Variants in GRID2 observed in about 807,000 individuals in gnomAD.
GRID2 encodes glutamate ionotropic receptor delta type subunit 2.
Under a neutral mutation model 114.8 loss-of-function variants are expected in GRID2, and 33 were observed. That is an observed-to-expected ratio of 0.29 (90% CI 0.22 to 0.38). GRID2 has a LOEUF of 0.38. GRID2 is among the 10% of genes least tolerant of loss of function. The pLI is 1.00. For missense variants in GRID2, 1,184 were observed against 1,257.7 expected (o/e 0.94, Z 0.89); for synonymous variants, 505 against 449.9 (o/e 1.12, Z -1.55).
intron 1 of GRID2, among the ~76,000 whole-genome samples, chr4:92,576,720 C>G (rs893275943): frequency 3.3e-5 from 5 of 152,170 alleles, no homozygotes; most frequent in African/African-American, 1.2e-4. Context: ...GTTTGCAAAG[C>G]TCTGTGGTAG....
chr4:93,541,489 A>C (rs1732648375), intron 13 of GRID2, among the ~76,000 whole-genome samples: 1 of 152,134 alleles, frequency 6.6e-6, no homozygotes, highest in South Asian at 2.1e-4. Flanking sequence ...GGAAAAGAAA[A>C]ATAAATACAA....
intron 13 of GRID2, among the ~76,000 whole-genome samples, chr4:93,567,060 C>T (rs1041089405): frequency 1.3e-5 from 2 of 152,094 alleles, no homozygotes; most frequent in Non-Finnish European, 2.9e-5. Flanking sequence ...CTCCACCTTC[C>T]CTTTGCAGAC....
intron 2 of GRID2, among the ~76,000 whole-genome samples, chr4:93,054,478 C>G (rs756024044): frequency 6.6e-6 from 1 of 151,532 alleles, no homozygotes; most frequent in African/African-American, 2.4e-5. Flanking sequence ...ATTTGTATAC[C>G]ATTTGTGTCC....
intron 2 of GRID2, among the ~76,000 whole-genome samples, chr4:92,625,280 A>G (rs1166037272): frequency 6.6e-6 from 1 of 151,816 alleles, no homozygotes; most frequent in Non-Finnish European, 1.5e-5. Context: ...TCAAGAAATA[A>G]TTGTCTAATA....
At chr4:92,836,600 C>T (rs1578269193) in intron 2 of GRID2, among the ~76,000 whole-genome samples, 1 of 151,880 alleles carries the variant, frequency 6.6e-6, no homozygotes, top group East Asian at 1.9e-4. Context: ...ATTTTCATGT[C>T]CATTTCTACT....
chr4:92,336,954 G>GTTTTTTTTTTTT (rs59093874), intron 1 of GRID2, among the ~76,000 whole-genome samples: 41 of 78,130 alleles, frequency 5.2e-4, no homozygotes, highest in Non-Finnish European at 7.7e-4. Context: ...TTTCGTTGTT[G>GTTTTTTTTTTTT]TTTTTTTTTT....
At chr4:93,593,162 C>G (rs1738593004) in intron 13 of GRID2, among the ~76,000 whole-genome samples, 1 of 150,846 alleles carries the variant, frequency 6.6e-6, no homozygotes, top group African/African-American at 2.4e-5. Flanking sequence ...ATGGGCTTTA[C>G]ATTTTGGCAT....
intron 4 of GRID2, among the ~76,000 whole-genome samples, chr4:93,121,842 A>G (rs1208868403): frequency 1.3e-5 from 2 of 152,150 alleles, no homozygotes; most frequent in African/African-American, 4.8e-5. Flanking sequence ...TAACTGCTGG[A>G]CATATATTAG....
chr4:93,169,199 T>C (rs1738561160), intron 4 of GRID2, among the ~76,000 whole-genome samples: 1 of 149,682 alleles, frequency 6.7e-6, no homozygotes, highest in Admixed American at 6.7e-5. Context: ...TAAAATAGGC[T>C]AAGTGTAAAA....
chr4:93,804,940 T>C (rs1210649491), intron 1 of GRID2, among the ~76,000 whole-genome samples: 1 of 152,232 alleles, frequency 6.6e-6, no homozygotes, highest in Non-Finnish European at 1.5e-5. Flanking sequence ...TATTGTTTTA[T>C]GTAATATGGT....
intron 4 of GRID2, among the ~76,000 whole-genome samples, chr4:93,199,690 G>T (rs1008649136): frequency 6.6e-6 from 1 of 152,148 alleles, no homozygotes; most frequent in Non-Finnish European, 1.5e-5. Flanking sequence ...GAGGATCCAT[G>T]CTGAGCTCAA....
At chr4:93,167,654 G>GTAACACATAA (rs1197136410) in intron 4 of GRID2, among the ~76,000 whole-genome samples, 2 of 152,058 alleles carry the variant, frequency 1.3e-5, no homozygotes, top group Non-Finnish European at 2.9e-5. Flanking sequence ...TTAACACATA[G>GTAACACATAA]TAACACATGT....
At chr4:93,306,202 G>A (rs1438351486) in intron 8 of GRID2, 2 of 152,198 alleles carry the variant, frequency 1.3e-5, no homozygotes, top group Non-Finnish European at 2.9e-5. Context: ...ACAAGGAGTT[G>A]AGACTACCAA....
intron 2 of GRID2, among the ~76,000 whole-genome samples, chr4:92,770,657 G>A (rs917871076): frequency 5.9e-5 from 9 of 152,078 alleles, no homozygotes; most frequent in African/African-American, 2.2e-4. Flanking sequence ...ATGGTGGCAG[G>A]CAAAGAGAGA....
rs1579053231 is a variant in GRID2 at position 93,123,627 on chromosome 4, A to G, written c.735+12674A>G. Among the ~76,000 whole-genome samples, 8 of 152,256 alleles carry G rather than the reference A, an allele frequency of 5.3e-5. 1 individual carries two copies. The highest frequency in any genetic ancestry group is 4.6e-4 in the Admixed American group (7 of 15,284). The stretch of plus-strand genomic sequence containing the variant: ...ATAATAAAACCATAAGAACAGACAC[A>G]GTTAAATTACTCCTCTCTACTCCTA... On this transcript the variant is annotated intron_variant, in intron 4 of 15. Coordinates refer to ENST00000282020, the MANE Select transcript of GRID2 (RefSeq NM_001510.4).
chr4:93,269,370 A>G (rs1751188756), intron 8 of GRID2, among the ~76,000 whole-genome samples: 1 of 152,198 alleles, frequency 6.6e-6, no homozygotes, highest in South Asian at 2.1e-4. Context: ...CAATTAAGTC[A>G]TTGTCTAAGG....
At chr4:92,354,767 A>G (rs1218209964) in intron 1 of GRID2, among the ~76,000 whole-genome samples, 8 of 152,006 alleles carry the variant, frequency 5.3e-5, no homozygotes, top group African/African-American at 1.7e-4. Flanking sequence ...AGACCTGTCT[A>G]GACAGTTAGA....
chr4:92,641,173 C>T (rs1438126750), intron 2 of GRID2, among the ~76,000 whole-genome samples: 2 of 151,518 alleles, frequency 1.3e-5, no homozygotes, highest in Non-Finnish European at 2.9e-5. Flanking sequence ...GATGAACATA[C>T]CTGAATCTCT....
chr4:93,674,314 T>C (rs562933699), intron 14 of GRID2, among the ~76,000 whole-genome samples: 98 of 152,302 alleles, frequency 6.4e-4, no homozygotes, highest in Non-Finnish European at 1.1e-3. Flanking sequence ...AAGTTCATTT[T>C]TGGTTAATTA....
Sources: allele counts gnomAD v4.1 joint callset (sites outside exome capture counted in the v4.1 genomes callset), GRCh38; gene constraint gnomAD v4.1.1; transcripts MANE v1.5; gene names NCBI Gene and HGNC (gene_info 2026-07-23, HGNC 2026-07-21).